The following ANK1 variants were observed in gnomAD, a reference collection of about 807,000 sequenced individuals.
The protein encoded by ANK1 is ankyrin 1.
In ANK1, 51 loss-of-function variants were observed where a neutral mutation model predicts 210.4. The observed-to-expected ratio is 0.24, with a 90% CI of 0.19 to 0.31. ANK1 has a LOEUF of 0.31. Among genes scored for constraint, ANK1 ranks in the 10% least tolerant of loss-of-function variants. The probability of loss-of-function intolerance (pLI) is 1.00; values close to 1 mark genes in which losing one functional copy is unlikely to be tolerated. For synonymous variants in ANK1, 967 were observed against 1,025.9 expected (o/e 0.94, Z 1.10); for missense variants, 2,051 against 2,504.4 (o/e 0.82, Z 3.86).
upstream of ANK1, among the ~76,000 whole-genome samples, chr8:41,800,208 A>G (rs1002090102): frequency 6.6e-6 from 1 of 152,176 alleles, no homozygotes; most frequent in African/African-American, 2.4e-5. Flanking sequence ...CCTTTGTTTA[A>G]CAAACATATA....
chr8:41,661,872 T>G lies in ANK1; in HGVS notation c.5544+4A>C. 2 of 1,614,082 alleles carry G rather than the reference T, an allele frequency of 1.2e-6. No homozygotes were observed. The highest frequency in any genetic ancestry group is 1.7e-6 in the Non-Finnish European group (2 of 1,179,984). ...GGATCCTCCAGGGGCCCCTCTACAG[T>G]CACCTCCTCGTGCTCCTGGGCGGCA... On this transcript the variant is annotated splice_donor_region_variant and intron_variant, in intron 41 of 42. Transcript: ENST00000289734.
intron 37 of ANK1, among the ~76,000 whole-genome samples, chr8:41,681,599 G>T (rs1440826300): frequency 6.6e-6 from 1 of 152,226 alleles, no homozygotes; most frequent in Non-Finnish European, 1.5e-5. Context: ...GCTCAGACAT[G>T]CAGAGGGACC....
chr8:41,684,462 T>G, intron 37 of ANK1, 82 bp downstream of exon 37: 1 of 1,576,796 alleles, frequency 6.3e-7, no homozygotes, highest in Non-Finnish European at 8.7e-7. Flanking sequence ...AGGGATGACG[T>G]ATTGTGGGAA....
Position 41,672,872 on chromosome 8 carries a change from G to A in ANK1, c.4578C>T (p.Ser1526=). The A allele has an allele frequency of 6.2e-7, 1 of 1,607,276 alleles. No individual in the cohort carries two copies. The highest frequency in any genetic ancestry group is 8.5e-7 in the Non-Finnish European group (1 of 1,179,968). ...GCGGAGAGGAAAGTGCACAGCCCAGGGAGGCAGGGGACAGCAGCTCGTCCT... is the reference window on the plus strand; with the variant it reads ...GCGGAGAGGAAAGTGCACAGCCCAGAGAGGCAGGGGACAGCAGCTCGTCCT... ...SLQDELLSPA[S]LGCALSSPLR... is the part of the protein sequence containing the mutation. Residue 1526 remains serine, a synonymous_variant, in exon 38 of 43, where the codon TCC becomes TCT. Coordinates refer to ENST00000289734, the MANE Select transcript of ANK1 (RefSeq NM_000037.4).
At chr8:41,878,027 T>C (rs530261771) in intron 1 of ANK1, among the ~76,000 whole-genome samples, 1 of 152,276 alleles carries the variant, frequency 6.6e-6, no homozygotes, top group African/African-American at 2.4e-5. Context: ...TTGCAATTCC[T>C]GGAAAACAGT....
At chr8:41,855,918 T>C (rs1227904440) in intron 1 of ANK1, among the ~76,000 whole-genome samples, 2 of 152,018 alleles carry the variant, frequency 1.3e-5, no homozygotes, top group Non-Finnish European at 2.9e-5. Flanking sequence ...GCAGTCCCTG[T>C]GGATTTAAAG....
chr8:41,799,016 C>T (rs1382261500), upstream of ANK1, among the ~76,000 whole-genome samples: 2 of 151,972 alleles, frequency 1.3e-5, no homozygotes, highest in Non-Finnish European at 2.9e-5. Flanking sequence ...ACCCCATGGA[C>T]GCTGGGCCAT....
chr8:41,801,243 T>C (rs902737029), upstream of ANK1, among the ~76,000 whole-genome samples: 2 of 152,238 alleles, frequency 1.3e-5, no homozygotes, highest in Non-Finnish European at 2.9e-5. Flanking sequence ...CCTGAGTTGC[T>C]AAGGCCACAA....
intron 1 of ANK1, among the ~76,000 whole-genome samples, chr8:41,849,657 G>A (rs1810819358): frequency 6.6e-6 from 1 of 152,170 alleles, no homozygotes; most frequent in African/African-American, 2.4e-5. Flanking sequence ...CGCAGGGAAG[G>A]TGCCCACCAC....
At chr8:41,865,121 G>A (rs996723924) in intron 1 of ANK1, among the ~76,000 whole-genome samples, 2 of 152,152 alleles carry the variant, frequency 1.3e-5, no homozygotes, top group Non-Finnish European at 2.9e-5. Context: ...AGGCCTCCCT[G>A]GCCACCCAAG....
intron 37 of ANK1, 124 bp downstream of exon 37, chr8:41,684,420 C>T (rs1817060846): frequency 2.0e-6 from 3 of 1,465,002 alleles, no homozygotes; most frequent in Non-Finnish European, 2.8e-6. Flanking sequence ...ACAAACCAGA[C>T]CTCCCACCAA....
In ANK1 at chr8:41,668,257, G is replaced by T; in HGVS notation, c.5394+10C>A. ...GGAACAGCAGCACGCAGCTCCCCTC[G>T]GGCTCTCACCTGCACCACTTGGGTG... On this transcript the variant is annotated intron_variant, in intron 39 of 42. Coordinates refer to ENST00000289734, the MANE Select transcript of ANK1 (RefSeq NM_000037.4). 2 of 1,614,162 alleles carry T rather than the reference G, an allele frequency of 1.2e-6. No individual in the cohort carries two copies. Among genetic ancestry groups the T allele is most frequent in the Non-Finnish European group, 1.7e-6 (2 of 1,180,034 alleles).
chr8:41,857,854 A>G (rs1366902543), intron 1 of ANK1, among the ~76,000 whole-genome samples: 1 of 152,092 alleles, frequency 6.6e-6, no homozygotes, highest in Non-Finnish European at 1.5e-5. Flanking sequence ...CAGTGAGACA[A>G]GATCATGCCA....
At chr8:41,811,443 G>A (rs1257752028) in intron 1 of ANK1, among the ~76,000 whole-genome samples, 2 of 152,124 alleles carry the variant, frequency 1.3e-5, no homozygotes, top group African/African-American at 4.8e-5. Context: ...CAGAAGACTC[G>A]GAAGTCCCTC....
At chr8:41,703,452 T>A (rs1056580051) in intron 20 of ANK1, among the ~76,000 whole-genome samples, 591 of 27,934 alleles carry the variant, frequency 0.021, 1 homozygote, top group Non-Finnish European at 0.04. Flanking sequence ...ATATATATAT[T>A]TTTTTTTTTT....
intron 1 of ANK1, among the ~76,000 whole-genome samples, chr8:41,817,254 T>C (rs1416603887): frequency 6.6e-6 from 1 of 152,338 alleles, no homozygotes; most frequent in Middle Eastern, 3.4e-3. Flanking sequence ...GGGGGGCACA[T>C]TTGCCTATTA....
chr8:41,753,967 C>T (rs549928198), intron 2 of ANK1, among the ~76,000 whole-genome samples: 1 of 152,340 alleles, frequency 6.6e-6, no homozygotes, highest in Non-Finnish European at 1.5e-5. Context: ...CCTCCCTCAC[C>T]TCAGCTGTCT....
At chr8:41,759,217 C>T (rs1452581175) in intron 1 of ANK1, among the ~76,000 whole-genome samples, 1 of 152,126 alleles carries the variant, frequency 6.6e-6, no homozygotes, top group Non-Finnish European at 1.5e-5. Context: ...AAAAGTAATA[C>T]TAACAGAAGG....
At chr8:41,719,590 C>CT in intron 10 of ANK1, 71 bp downstream of exon 10, 1 of 1,598,288 alleles carries the variant, frequency 6.3e-7, no homozygotes, top group Admixed American at 1.7e-5. Flanking sequence ...ACAGGCCCAG[C>CT]CATGCCTCTC....
Sources: gnomAD v4.1 joint callset for allele counts (sites outside exome capture counted in the v4.1 genomes callset) on GRCh38, gnomAD v4.1.1 for gene constraint, MANE v1.5 for transcripts, NCBI Gene and HGNC (gene_info 2026-07-23, HGNC 2026-07-21) for gene names.